ZBTB38: variants seen among roughly 807,000 people sequenced by gnomAD.
ZBTB38 encodes zinc finger and BTB domain containing 38.
ZBTB38 carries 20 observed loss-of-function variants against 76.8 expected under a neutral mutation model. That is an observed-to-expected ratio of 0.26 (90% CI 0.18 to 0.38). ZBTB38 has a LOEUF of 0.38. Ranked by LOEUF, ZBTB38 falls within the 10% of genes least tolerant of loss-of-function variation. ZBTB38 has a pLI of 1.00. For synonymous variants in ZBTB38, 504 were observed against 544.2 expected (o/e 0.93, Z 1.03); for missense variants, 1,082 against 1,482.3 (o/e 0.73, Z 4.43).
intron 1 of ZBTB38, among the ~76,000 whole-genome samples, chr3:141,330,071 A>G (rs1324213474): frequency 6.6e-6 from 1 of 151,942 alleles, no homozygotes; most frequent in Non-Finnish European, 1.5e-5. Flanking sequence ...AATGAAGGAG[A>G]GATGACATAT....
chr3:141,366,753 G>A (rs1284360367), upstream of ZBTB38: 1 of 152,166 alleles, frequency 6.6e-6, no homozygotes, highest in Non-Finnish European at 1.5e-5. Context: ...TGTTATCAAG[G>A]AGGCCTCCAC....
intron 5 of ZBTB38, among the ~76,000 whole-genome samples, chr3:141,419,344 A>T (rs1051302244): frequency 1.3e-5 from 2 of 152,196 alleles, no homozygotes; most frequent in Non-Finnish European, 2.9e-5. Flanking sequence ...AACTCAAACC[A>T]TATCACATAT....
chr3:141,427,276 C>T (rs1193046183), intron 5 of ZBTB38, among the ~76,000 whole-genome samples: 3 of 152,166 alleles, frequency 2.0e-5, no homozygotes, highest in Non-Finnish European at 4.4e-5. Flanking sequence ...AGTAAAGGCA[C>T]AGACTTGTCA....
intron 5 of ZBTB38, among the ~76,000 whole-genome samples, chr3:141,411,769 C>T (rs1956752942): frequency 6.6e-6 from 1 of 152,224 alleles, no homozygotes; most frequent in Non-Finnish European, 1.5e-5. Flanking sequence ...TCTTCAGCGA[C>T]TACACAGTGT....
At chr3:141,437,943 G>A (rs1005991786) in intron 5 of ZBTB38, among the ~76,000 whole-genome samples, 7 of 151,438 alleles carry the variant, frequency 4.6e-5, no homozygotes, top group Admixed American at 6.6e-5. Context: ...ATGGAGTCTC[G>A]CTCTGTTGCC....
chr3:141,379,221 G>T (rs978095095), intron 2 of ZBTB38, among the ~76,000 whole-genome samples: 1 of 152,176 alleles, frequency 6.6e-6, no homozygotes, highest in Non-Finnish European at 1.5e-5. Context: ...GAGCTGCCTG[G>T]GTTGGCAGTA....
At chr3:141,370,290 C>A (rs1944348990) in intron 2 of ZBTB38, among the ~76,000 whole-genome samples, 1 of 152,138 alleles carries the variant, frequency 6.6e-6, no homozygotes, top group Non-Finnish European at 1.5e-5. Context: ...CTCCTCAGTG[C>A]AGTAAGAAAA....
At chr3:141,386,611 G>A (rs1236783617) in intron 3 of ZBTB38, 1 of 152,320 alleles carries the variant, frequency 6.6e-6, no homozygotes, top group East Asian at 1.9e-4. Flanking sequence ...ATGCATCCCG[G>A]ACCAGATACA....
intron 5 of ZBTB38, among the ~76,000 whole-genome samples, chr3:141,435,744 A>G (rs2078635156): frequency 6.6e-6 from 1 of 151,846 alleles, no homozygotes; most frequent in Non-Finnish European, 1.5e-5. Context: ...TGGGCAACAG[A>G]GTAAGACTGC....
chr3:141,353,133 C>T (rs115009673), intron 1 of ZBTB38, among the ~76,000 whole-genome samples: 12 of 152,038 alleles, frequency 7.9e-5, no homozygotes, highest in Non-Finnish European at 1.6e-4. Context: ...CGTCCCAAAT[C>T]CCTCAGTTCA....
intron 1 of ZBTB38, among the ~76,000 whole-genome samples, chr3:141,338,066 G>A (rs1943066184): frequency 6.6e-6 from 1 of 152,160 alleles, no homozygotes; most frequent in Admixed American, 6.5e-5. Context: ...CCAATCATTA[G>A]ATAAATGCAA....
intron 5 of ZBTB38, among the ~76,000 whole-genome samples, chr3:141,432,513 G>A (rs1294571751): frequency 6.6e-6 from 1 of 152,156 alleles, no homozygotes; most frequent in Non-Finnish European, 1.5e-5. Context: ...AATGTGGACT[G>A]AAAAGGTTTA....
At chr3:141,393,671 G>T (rs936652579) in intron 4 of ZBTB38, among the ~76,000 whole-genome samples, 4 of 152,148 alleles carry the variant, frequency 2.6e-5, no homozygotes, top group African/African-American at 9.7e-5. Context: ...TAAGAAAGAG[G>T]GAACAAAGGA....
intron 1 of ZBTB38, among the ~76,000 whole-genome samples, chr3:141,359,364 C>G (rs1469413410): frequency 6.6e-6 from 1 of 152,198 alleles, no homozygotes; most frequent in Admixed American, 6.5e-5. Context: ...TGCCATTGGC[C>G]AGGATCATGC....
Position 141,444,953 on chromosome 3 carries a change from A to G in ZBTB38, c.2565A>G (p.Gly855=), listed in dbSNP as rs1420845742. The G allele has an allele frequency of 1.9e-6, 3 of 1,614,220 alleles. No homozygotes were observed. The highest frequency in any genetic ancestry group is 1.3e-5 in the African/African-American group (1 of 75,048). The stretch of plus-strand genomic sequence containing the variant: ...CCATTGTGAAAAGGCACATTCTAGG[A>G]TCTAAATTGTTTTATAAAAGAGGGA... ...NEAIVKRHIL[G]SKLFYKRGRR... is the part of the protein sequence containing the mutation. Residue 855 remains glycine, a synonymous_variant, in exon 6 of 6, where the codon GGA becomes GGG. Coordinates refer to ENST00000321464, the MANE Select transcript of ZBTB38 (RefSeq NM_001376113.1). The surrounding 1 kb of genome is among the most constrained non-coding windows in gnomAD (Gnocchi z 5.1).
At chr3:141,381,176 T>A (rs1946150999) in intron 2 of ZBTB38, among the ~76,000 whole-genome samples, 1 of 152,184 alleles carries the variant, frequency 6.6e-6, no homozygotes, top group Non-Finnish European at 1.5e-5. Flanking sequence ...CTCAAGGTCA[T>A]TACTCATGCC....
chr3:141,358,818 A>G (rs986178906), intron 1 of ZBTB38, among the ~76,000 whole-genome samples: 6 of 152,222 alleles, frequency 3.9e-5, no homozygotes, highest in Non-Finnish European at 8.8e-5. Context: ...GCATGAAAAC[A>G]TAGAATTTGT....
chr3:141,437,056 C>T (rs1377770833), intron 5 of ZBTB38, among the ~76,000 whole-genome samples: 6 of 152,092 alleles, frequency 3.9e-5, no homozygotes, highest in Admixed American at 2.0e-4. Flanking sequence ...ACAGTTTTGA[C>T]GATACTTGGT....
chr3:141,362,651 G>T (rs560265828), intron 1 of ZBTB38, among the ~76,000 whole-genome samples: 11 of 105,788 alleles, frequency 1.0e-4, no homozygotes, highest in African/African-American at 4.8e-4. Flanking sequence ...AGAAGAACTG[G>T]ACAGAGCGGA....
Sources: allele counts gnomAD v4.1 joint callset (sites outside exome capture counted in the v4.1 genomes callset), GRCh38; gene constraint gnomAD v4.1.1; non-coding constraint Gnocchi (gnomAD v3.1); transcripts MANE v1.5; gene names NCBI Gene and HGNC (gene_info 2026-07-23, HGNC 2026-07-21).